The following NKAIN2 variants were observed in gnomAD, a reference collection of about 807,000 sequenced individuals.
NKAIN2 encodes sodium/potassium-transporting ATPase subunit beta-1-interacting protein 2.
In NKAIN2, 14 loss-of-function variants were observed where a neutral mutation model predicts 32.6. The ratio of observed to expected loss-of-function variants is 0.43; its 90% CI spans 0.28 to 0.67. The LOEUF (loss-of-function observed/expected upper bound fraction) is 0.67, where lower values mean the gene tolerates loss of function less well. NKAIN2 is among the 30% of genes least tolerant of loss of function. The probability of loss-of-function intolerance (pLI) is 0.17; values close to 1 mark genes in which losing one functional copy is unlikely to be tolerated. For missense variants in NKAIN2, 198 were observed against 258.3 expected (o/e 0.77, Z 1.60); for synonymous variants, 80 against 87.2 (o/e 0.92, Z 0.46).
Position 124,246,854 on chromosome 6 carries a change from C to T in NKAIN2, c.55-36151C>T, listed in dbSNP as rs377666981. ...TACCACAAAACGTATTGGCTTCAAA[C>T]AACATAAATGTGCTTTTCTTATGGT... is the stretch of plus-strand genomic sequence containing the variant. On this transcript the variant is annotated intron_variant, in intron 1 of 6. Transcript: ENST00000368417. Among the ~76,000 whole-genome samples the T allele has an allele frequency of 6.6e-5, 10 of 152,164 alleles. No individual in the cohort carries two copies. The East Asian group carries it at 1.5e-3, about 24-fold the overall frequency.
At chr6:124,509,264 A>G (rs1286318422) in intron 3 of NKAIN2, among the ~76,000 whole-genome samples, 1 of 152,188 alleles carries the variant, frequency 6.6e-6, no homozygotes, top group Non-Finnish European at 1.5e-5. Context: ...AGACTATGCC[A>G]TTATCAATAG....
chr6:124,678,183 A>G (rs911257404), intron 4 of NKAIN2, among the ~76,000 whole-genome samples: 8 of 152,068 alleles, frequency 5.3e-5, no homozygotes, highest in Non-Finnish European at 1.2e-4. Context: ...CATGTGTCTC[A>G]ATGTGGATTT....
At chr6:124,219,781 T>G (rs1238000296) in intron 1 of NKAIN2, among the ~76,000 whole-genome samples, 5 of 152,098 alleles carry the variant, frequency 3.3e-5, no homozygotes. Flanking sequence ...TAGAACAACA[T>G]CAGTGAAATG....
intron 2 of NKAIN2, among the ~76,000 whole-genome samples, chr6:124,342,305 A>T (rs1398636253): frequency 2.0e-5 from 3 of 150,086 alleles, no homozygotes; most frequent in Admixed American, 6.6e-5. Context: ...GCTACTCAGG[A>T]GGCTGAGGCA....
chr6:123,924,995 A>C (rs1023050385), intron 1 of NKAIN2, among the ~76,000 whole-genome samples: 1 of 152,134 alleles, frequency 6.6e-6, no homozygotes, highest in Non-Finnish European at 1.5e-5. Flanking sequence ...TTATAATTGA[A>C]AAAATATAAC....
intron 3 of NKAIN2, among the ~76,000 whole-genome samples, chr6:124,492,949 G>A (rs941880104): frequency 6.6e-6 from 1 of 151,770 alleles, no homozygotes; most frequent in South Asian, 2.1e-4. Flanking sequence ...GGCAGAACTG[G>A]GTCTGTGCAC....
intron 1 of NKAIN2, among the ~76,000 whole-genome samples, chr6:124,187,997 A>G (rs1789827127): frequency 6.6e-6 from 1 of 152,220 alleles, no homozygotes; most frequent in South Asian, 2.1e-4. Flanking sequence ...TCATGGAAGC[A>G]ATAGATGGTC....
intron 1 of NKAIN2, among the ~76,000 whole-genome samples, chr6:123,995,602 T>C (rs1395325204): frequency 6.6e-6 from 1 of 152,172 alleles, no homozygotes; most frequent in South Asian, 2.1e-4. Flanking sequence ...AATTAAGGTG[T>C]AGTCAGATGA....
chr6:124,485,380 G>GACTCTCTCC (rs1035484587), intron 3 of NKAIN2, among the ~76,000 whole-genome samples: 1 of 152,000 alleles, frequency 6.6e-6, no homozygotes, highest in Admixed American at 6.6e-5. Flanking sequence ...AATGAAAGCA[G>GACTCTCTCC]ACTCTCTCCT....
chr6:123,911,308 A>C (rs1473651395), intron 1 of NKAIN2, among the ~76,000 whole-genome samples: 1 of 152,158 alleles, frequency 6.6e-6, no homozygotes, highest in South Asian at 2.1e-4. Flanking sequence ...TGGTGTCAGC[A>C]TCTACTTCTG....
intron 1 of NKAIN2, among the ~76,000 whole-genome samples, chr6:123,888,950 G>A (rs1402168244): frequency 6.6e-6 from 1 of 152,158 alleles, no homozygotes; most frequent in Non-Finnish European, 1.5e-5. Context: ...CAAGTGGAGA[G>A]TGAAGCAGCA....
intron 1 of NKAIN2, among the ~76,000 whole-genome samples, chr6:124,188,364 C>T (rs1789851403): frequency 6.6e-6 from 1 of 152,172 alleles, no homozygotes; most frequent in African/African-American, 2.4e-5. Context: ...AGCTTCTATC[C>T]ATTGGGAGAA....
At chr6:124,013,457 T>A (rs1428250198) in intron 1 of NKAIN2, among the ~76,000 whole-genome samples, 4 of 152,186 alleles carry the variant, frequency 2.6e-5, no homozygotes, top group Non-Finnish European at 5.9e-5. Context: ...GCATGTCATT[T>A]CTCAAATCAC....
At chr6:124,261,859 T>A (rs1794265364) in intron 1 of NKAIN2, among the ~76,000 whole-genome samples, 1 of 126,052 alleles carries the variant, frequency 7.9e-6, no homozygotes, top group Non-Finnish European at 1.6e-5. Flanking sequence ...CATGATTCCA[T>A]CTCACACAAA....
chr6:123,884,191 T>A (rs1176267856), intron 1 of NKAIN2, among the ~76,000 whole-genome samples: 4 of 152,096 alleles, frequency 2.6e-5, no homozygotes, highest in African/African-American at 9.7e-5. Flanking sequence ...AGCTCCCCCT[T>A]ATAAGTGAGA....
chr6:124,254,487 A>G (rs2114819309), intron 1 of NKAIN2, among the ~76,000 whole-genome samples: 2 of 150,926 alleles, frequency 1.3e-5, no homozygotes, highest in Middle Eastern at 6.9e-3. Flanking sequence ...ATTGATTTGT[A>G]TTTTTCTTTT....
At chr6:124,607,458 T>G (rs1782541643) in intron 3 of NKAIN2, among the ~76,000 whole-genome samples, 1 of 152,106 alleles carries the variant, frequency 6.6e-6, no homozygotes, top group Non-Finnish European at 1.5e-5. Flanking sequence ...TACAATGAGT[T>G]GTTTGCCTGC....
At chr6:123,966,839 G>T (rs1012726748) in intron 1 of NKAIN2, among the ~76,000 whole-genome samples, 1 of 152,198 alleles carries the variant, frequency 6.6e-6, no homozygotes. Context: ...CAAGTGCTGG[G>T]TGTTAGGAAT....
At chr6:124,340,246 T>C (rs896803554) in intron 2 of NKAIN2, among the ~76,000 whole-genome samples, 9 of 152,212 alleles carry the variant, frequency 5.9e-5, no homozygotes, top group African/African-American at 2.2e-4. Context: ...GATTATTTTC[T>C]TATTATTCAT....
Sources: allele counts gnomAD v4.1 joint callset (sites outside exome capture counted in the v4.1 genomes callset), GRCh38; gene constraint gnomAD v4.1.1; transcripts MANE v1.5; gene names NCBI Gene and HGNC (gene_info 2026-07-23, HGNC 2026-07-21).